Variants in PYCR1 observed in about 807,000 individuals in gnomAD.
The protein encoded by PYCR1 is pyrroline-5-carboxylate reductase 1, mitochondrial.
A neutral mutation model predicts 22.9 loss-of-function variants in PYCR1; 19 were observed. The ratio of observed to expected loss-of-function variants is 0.83; its 90% confidence interval spans 0.58 to 1.22. The LOEUF (loss-of-function observed/expected upper bound fraction) is 1.22, where lower values mean the gene tolerates loss of function less well. Among genes scored for constraint, PYCR1 ranks in the 50% most tolerant of loss-of-function variants. The pLI is 0.00. For synonymous variants in PYCR1, 175 were observed against 180.5 expected (o/e 0.97, Z 0.24); for missense variants, 429 against 431.3 (o/e 0.99, Z 0.05).
At position 81,936,119 on chromosome 17, in the gene PYCR1, C is replaced by A; in HGVS notation, c.138+4G>T. Reference sequence around the variant, plus strand: ...TCTCCTTTCTCCCTTTCATCTGCACCTACCCTGAGAGCAGAAACTGTGGCC... The same window carrying A: ...TCTCCTTTCTCCCTTTCATCTGCACATACCCTGAGAGCAGAAACTGTGGCC... On this transcript the variant is annotated splice_donor_region_variant and intron_variant, in intron 2 of 6. Transcript: ENST00000329875. 2 of 1,613,842 alleles carry A rather than the reference C, an allele frequency of 1.2e-6. No homozygotes were observed. Among genetic ancestry groups the A allele is most frequent in the African/African-American group, 2.7e-5 (2 of 75,068 alleles).
Position 81,937,127 on chromosome 17 carries a change from C to A in PYCR1, c.-313G>T. 1 of 1,430,956 alleles carries A rather than the reference C, an allele frequency of 7.0e-7. No homozygotes were observed. The highest frequency in any genetic ancestry group is 1.5e-5 in the South Asian group (1 of 67,720). 88.6% of individuals were successfully genotyped at this position (1,430,956 alleles called of 1,614,324 possible). On this transcript the variant is annotated 5_prime_UTR_variant, in exon 1 of 7. Transcript: ENST00000329875. ...GAAAAGTACGGGGAGAGGGAGGGCC[C>A]GGCGCCTAGGGGTCCCCCGTCTGGG...
At position 81,937,201 on chromosome 17, in the gene PYCR1, C is replaced by G. The variant is rs1293954327; in HGVS notation, c.-387G>C. 6.8e-7 allele frequency: 1 copy of G among 1,477,234 alleles called. No individual in the cohort carries two copies. Among genetic ancestry groups the G allele is most frequent in the South Asian group, 1.3e-5 (1 of 76,178 alleles). 91.5% of individuals were successfully genotyped at this position (1,477,234 alleles called of 1,614,324 possible). The stretch of plus-strand genomic sequence containing the variant: ...CTACCGTCGCGCCCCACCCGGCGAC[C>G]GCCGCCCACCATTCCCGGAGCCCGA... On this transcript the variant is annotated 5_prime_UTR_variant, in exon 1 of 7. Coordinates refer to ENST00000329875, the MANE Select transcript of PYCR1 (RefSeq NM_006907.4).
chr17:81,936,674 C>A, intron 1 of PYCR1, 74 bp downstream of exon 1: 4 of 1,502,784 alleles, frequency 2.7e-6, no homozygotes, highest in Non-Finnish European at 3.6e-6. Flanking sequence ...CCACCTTCAG[C>A]CCCCAGCCCT....
Position 81,935,405 on chromosome 17 carries a change from C to G in PYCR1, c.250G>C (p.Ala84Pro). The G allele has an allele frequency of 1.2e-6, 2 of 1,613,638 alleles. No individual in the cohort carries two copies. Among genetic ancestry groups the G allele is most frequent in the Non-Finnish European group, 1.7e-6 (2 of 1,180,000 alleles). Residue 84 changes from alanine to proline, a missense_variant, in exon 3 of 7, where the codon GCC becomes CCC. By Grantham distance (27) the Ala-to-Pro change is conservative. Coordinates refer to ENST00000329875, the MANE Select transcript of PYCR1 (RefSeq NM_006907.4). ...IIPFILDEIG[A>P]DIEDRHIVVS... ...ACAATGTGTCTGTCCTCAATGTCGG[C>G]GCCTATTTCATCCAGGATGAAGGGG... is the stretch of plus-strand genomic sequence containing the variant.
At position 81,933,062 on chromosome 17, in the gene PYCR1, T is replaced by G; in HGVS notation, c.*152A>C. ...ACTTGCAGACCACAGAGATTTCCAG[T>G]GGGAAGTGATGTGGCCCCTCCCTGG... On this transcript the variant is annotated 3_prime_UTR_variant, in exon 7 of 7. Transcript: ENST00000329875. 26 of 1,578,758 alleles carry G rather than the reference T, an allele frequency of 1.6e-5. No homozygotes were observed. The South Asian group carries it at 2.7e-4, about 17-fold the overall frequency.
chr17:81,933,942 T>A (rs754980743), intron 6 of PYCR1, among the ~76,000 whole-genome samples: 1 of 152,214 alleles, frequency 6.6e-6, no homozygotes, highest in South Asian at 2.1e-4. Context: ...GTCCTACTGG[T>A]CTAACTTAAT....
chr17:81,936,557 T>TTCCC (rs1200730908), intron 1 of PYCR1, among the ~76,000 whole-genome samples, 191 bp downstream of exon 1: 1 of 152,220 alleles, frequency 6.6e-6, no homozygotes. Flanking sequence ...TAGCTTTGGC[T>TTCCC]TCCCTCCCTC....
rs1322306169 is a variant in PYCR1, at chr17:81,936,821, C to G, written c.-7G>C. On this transcript the variant is annotated 5_prime_UTR_variant, in exon 1 of 7. Coordinates refer to ENST00000329875, the MANE Select transcript of PYCR1 (RefSeq NM_006907.4). ...CGATGAAGCCCACGCTCATGCTGTCCGGAGACCCCTGGCCCAAAGCCCCCA... is the reference window on the plus strand; with the variant it reads ...CGATGAAGCCCACGCTCATGCTGTCGGGAGACCCCTGGCCCAAAGCCCCCA... The G allele has an allele frequency of 2.5e-6, 4 of 1,606,806 alleles. No homozygotes were observed. Among genetic ancestry groups the G allele is most frequent in the Non-Finnish European group, 2.5e-6 (3 of 1,177,638 alleles).
Position 81,933,103 on chromosome 17 carries a change from G to A in PYCR1, c.*111C>T. ...CCCTCCCTGGCTATGTCCCTGGCTG[G>A]CCCCTGCGCTGATCAGAGCCACAGA... On this transcript the variant is annotated 3_prime_UTR_variant, in exon 7 of 7. Coordinates refer to ENST00000329875, the MANE Select transcript of PYCR1 (RefSeq NM_006907.4). 2 of 1,598,298 alleles carry A rather than the reference G, an allele frequency of 1.3e-6. No individual in the cohort carries two copies. The highest frequency in any genetic ancestry group is 1.7e-6 in the Non-Finnish European group (2 of 1,177,076).
At chr17:81,933,785 G>A (rs555363591) in intron 6 of PYCR1, among the ~76,000 whole-genome samples, 1 of 152,234 alleles carries the variant, frequency 6.6e-6, no homozygotes, top group Non-Finnish European at 1.5e-5. Flanking sequence ...CCACCCTGCA[G>A]ACCTGAACTG....
In PYCR1 at chr17:81,937,250, G is replaced by A; in HGVS notation, c.-436C>T. The A allele has an allele frequency of 7.3e-7, 1 of 1,374,108 alleles. No homozygotes were observed. The highest frequency in any genetic ancestry group is 9.4e-7 in the Non-Finnish European group (1 of 1,062,772). 85.1% of individuals were successfully genotyped at this position (1,374,108 alleles called of 1,614,324 possible). A position where few individuals can be genotyped will look rare whatever the true frequency, so the allele number is the denominator to read the frequency against. ...GACCCCAACCCAGCTACCGTGCGCG[G>A]GTCGTACCCACCCCTCAGCGCTGCG... is the stretch of plus-strand genomic sequence containing the variant. On this transcript the variant is annotated 5_prime_UTR_variant, in exon 1 of 7. Transcript: ENST00000329875.
At chr17:81,936,080 CCA>C in intron 2 of PYCR1, 41 bp downstream of exon 2, 1 of 1,604,908 alleles carries the variant, frequency 6.2e-7, no homozygotes, top group Non-Finnish European at 8.5e-7. Flanking sequence ...ACACCCAGCC[CCA>C]CAGGGACTCA....
rs1464008289 is a variant in PYCR1 at position 81,933,288 on chromosome 17, C to T, written c.886G>A (p.Ala296Thr). Residue 296 changes from alanine to threonine, a missense_variant, in exon 7 of 7, where the codon GCA becomes ACA. By Grantham distance (58) the Ala-to-Thr change is moderately conservative (BLOSUM62 0). Transcript: ENST00000329875. The part of the protein sequence containing the change: ...ILDKVKLDSP[A>T]GTALSPSGHT... Reference sequence around the variant, plus strand: ...CCAGAAGGTGACAGAGCGGTCCCTGCAGGGGAGTCCAGCTTCACCTTGTCC... The same window carrying T: ...CCAGAAGGTGACAGAGCGGTCCCTGTAGGGGAGTCCAGCTTCACCTTGTCC... 1.2e-6 allele frequency: 2 copies of T among 1,614,048 alleles called. No homozygotes were observed. The highest frequency in any genetic ancestry group is 2.7e-5 in the African/African-American group (2 of 75,040).
At chr17:81,935,592 AG>A in intron 2 of PYCR1, 76 bp from the exon 3 acceptor site, 2 of 1,018,880 alleles carry the variant, frequency 2.0e-6, no homozygotes, top group Non-Finnish European at 2.8e-6. Context: ...CCCCACAGGT[AG>A]AATGGCACAG....
Position 81,933,109 on chromosome 17 carries a change from G to A in PYCR1, c.*105C>T. ...CTGGCTATGTCCCTGGCTGGCCCCT[G>A]CGCTGATCAGAGCCACAGAAAGTGG... On this transcript the variant is annotated 3_prime_UTR_variant, in exon 7 of 7. Transcript: ENST00000329875. 2 of 1,600,886 alleles carry A rather than the reference G, an allele frequency of 1.2e-6. No homozygotes were observed. The highest frequency in any genetic ancestry group is 1.7e-6 in the Non-Finnish European group (2 of 1,178,154).
chr17:81,935,442 C>T lies in PYCR1; in HGVS notation c.213G>A (p.Lys71=). The T allele has an allele frequency of 6.2e-7, 1 of 1,613,566 alleles. No individual in the cohort carries two copies. The highest frequency in any genetic ancestry group is 8.5e-7 in the Non-Finnish European group (1 of 1,179,924). ...QHSDVLFLAV[K]PHIIPFILDE... The stretch of plus-strand genomic sequence containing the variant: ...CCAGGATGAAGGGGATGATGTGTGG[C>T]TTCACAGCCAGGAAGAGCACATCAC... The change falls in exon 3 of 7, where the codon AAG becomes AAA. Residue 71 remains lysine, a synonymous_variant. Coordinates refer to ENST00000329875, the MANE Select transcript of PYCR1 (RefSeq NM_006907.4).
chr17:81,934,122 G>A lies in PYCR1; in HGVS notation c.797+204C>T, dbSNP rs560943634. The A allele has an allele frequency of 3.4e-5, 24 of 714,268 alleles. No individual in the cohort carries two copies. The East Asian group carries it at 5.7e-4, about 17-fold the overall frequency. The allele number at this position is 714,268 out of a possible 1,614,324, so 44.2% of individuals were successfully genotyped here. On this transcript the variant is annotated intron_variant, in intron 6 of 6. Transcript: ENST00000329875. Reference sequence around the variant, plus strand: ...ACAGCATCCGGGTCCCTCTATGGATGTTCCCTCCTCGCAGGAAACGGAAGG... The same window carrying A: ...ACAGCATCCGGGTCCCTCTATGGATATTCCCTCCTCGCAGGAAACGGAAGG...
rs1308691149 is a variant in PYCR1, at chr17:81,933,018, CT to C, written c.*195del. 8.2e-6 allele frequency: 13 copies of C among 1,582,792 alleles called. No individual in the cohort carries two copies. Among genetic ancestry groups the C allele is most frequent in the Non-Finnish European group, 1.1e-5 (13 of 1,167,628 alleles). Reference sequence around the variant, plus strand: ...GAGGTTGAGGTTGGGGAATCCACCCCTGTTCTGGGCTGGGAAGCACTTGCAG... The same window carrying C: ...GAGGTTGAGGTTGGGGAATCCACCCCGTTCTGGGCTGGGAAGCACTTGCAG... On this transcript the variant is annotated 3_prime_UTR_variant, in exon 7 of 7. Transcript: ENST00000329875.
chr17:81,932,854 AC>A lies in PYCR1; in HGVS notation c.*359del. 6.3e-7 allele frequency: 1 copy of A among 1,597,992 alleles called. No individual in the cohort carries two copies. ...GGGATCCCACCTCTGCTGAGCCTTC[AC>A]AGAGGGGGTCCTTGACCTTTGCTCT... On this transcript the variant is annotated 3_prime_UTR_variant, in exon 7 of 7. Transcript: ENST00000329875.
Sources: gnomAD v4.1 joint callset for allele counts (sites outside exome capture counted in the v4.1 genomes callset) on GRCh38, gnomAD v4.1.1 for gene constraint, MANE v1.5 for transcripts, NCBI Gene and HGNC (gene_info 2026-07-23, HGNC 2026-07-21) for gene names.